Variants in AGPAT3 observed in about 807,000 individuals in gnomAD.
AGPAT3 encodes the protein 1-acyl-sn-glycerol-3-phosphate acyltransferase gamma.
A neutral mutation model predicts 47.3 loss-of-function variants in AGPAT3; 5 were observed. The observed-to-expected ratio is 0.11, with a 90% CI of 0.06 to 0.22. The LOEUF (loss-of-function observed/expected upper bound fraction) is 0.22. Among genes scored for constraint, AGPAT3 ranks in the 10% least tolerant of loss-of-function variants. The probability of loss-of-function intolerance (pLI) is 1.00; values close to 1 mark genes in which losing one functional copy is unlikely to be tolerated. For missense variants in AGPAT3, 315 were observed against 493.0 expected (o/e 0.64, Z 3.42); for synonymous variants, 212 against 208.3 (o/e 1.02, Z -0.15).
intron 1 of AGPAT3, chr21:43,867,667 C>G (rs2085537848): frequency 6.6e-6 from 1 of 152,246 alleles, no homozygotes; most frequent in African/African-American, 2.4e-5. Context: ...TGTGATGTCC[C>G]TGTTATAAGG....
intron 1 of AGPAT3, among the ~76,000 whole-genome samples, chr21:43,897,897 G>A (rs984269706): frequency 3.3e-5 from 5 of 152,336 alleles, no homozygotes; most frequent in East Asian, 1.9e-4. Context: ...CCAGCACCTC[G>A]GGAGGCCGAG....
At chr21:43,868,951 T>G (rs2085565679) in intron 1 of AGPAT3, among the ~76,000 whole-genome samples, 2 of 152,228 alleles carry the variant, frequency 1.3e-5, no homozygotes, top group African/African-American at 4.8e-5. Flanking sequence ...AAAGCTGTTA[T>G]TCTTTCCACC....
intron 1 of AGPAT3, among the ~76,000 whole-genome samples, chr21:43,874,440 C>A (rs558514042): frequency 6.9e-4 from 105 of 152,260 alleles, no homozygotes; most frequent in Non-Finnish European, 1.3e-3. Context: ...TTTTATTATT[C>A]TTCCATGACC....
intron 1 of AGPAT3, among the ~76,000 whole-genome samples, chr21:43,875,457 G>C (rs1401922141): frequency 6.6e-6 from 1 of 152,152 alleles, no homozygotes; most frequent in Admixed American, 6.5e-5. Context: ...TCTGCCTTAT[G>C]CTTTGCTTTC....
At chr21:43,924,117 C>T (rs2086978492) in intron 2 of AGPAT3, among the ~76,000 whole-genome samples, 1 of 151,988 alleles carries the variant, frequency 6.6e-6, no homozygotes, top group Non-Finnish European at 1.5e-5. Flanking sequence ...CCTGGGTTCA[C>T]GCCATTCTGT....
In AGPAT3 at chr21:43,985,134, C is replaced by T. The variant is rs1260240845; in HGVS notation, c.*2742C>T. 9 of 456,172 alleles carry T rather than the reference C, an allele frequency of 2.0e-5. No individual in the cohort carries two copies. The highest frequency in any genetic ancestry group is 2.3e-5 in the Admixed American group (1 of 42,566). The allele number at this position is 456,172 out of a possible 1,614,324, so 28.3% of individuals were successfully genotyped here. A position where few individuals can be genotyped will look rare whatever the true frequency, so the allele number is the denominator to read the frequency against. ...CTGGGCCGTGGTCTCCTGGGGACGC[C>T]GCTGGCCTCCCAGCTTAGGCCCAGG... On this transcript the variant is annotated 3_prime_UTR_variant, in exon 10 of 10. Coordinates refer to ENST00000291572, the MANE Select transcript of AGPAT3 (RefSeq NM_020132.5).
intron 1 of AGPAT3, among the ~76,000 whole-genome samples, chr21:43,870,866 C>T (rs1173054649): frequency 6.6e-6 from 1 of 152,160 alleles, no homozygotes; most frequent in Non-Finnish European, 1.5e-5. Context: ...GACATGAGGC[C>T]TATGAAGGGG....
intron 1 of AGPAT3, among the ~76,000 whole-genome samples, chr21:43,867,948 T>A (rs1268514007): frequency 6.6e-6 from 1 of 152,254 alleles, no homozygotes; most frequent in Admixed American, 6.5e-5. Context: ...GCGTCTGTCC[T>A]TCCTAAAACC....
At chr21:43,948,741 TTTTA>T (rs1460812342) in intron 2 of AGPAT3, among the ~76,000 whole-genome samples, 1 of 152,242 alleles carries the variant, frequency 6.6e-6, no homozygotes, top group Admixed American at 6.5e-5. Context: ...TAATTTTGTA[TTTTA>T]TTTATTTTAT....
intron 3 of AGPAT3, among the ~76,000 whole-genome samples, chr21:43,964,551 A>G (rs2089032578): frequency 6.6e-6 from 1 of 152,162 alleles, no homozygotes; most frequent in South Asian, 2.1e-4. Context: ...GAGATCAAAC[A>G]TAGCTTCCAA....
chr21:43,935,899 T>C (rs2087428855), intron 2 of AGPAT3, among the ~76,000 whole-genome samples: 1 of 152,154 alleles, frequency 6.6e-6, no homozygotes, highest in African/African-American at 2.4e-5. Context: ...GCCCTGGCTC[T>C]CCAGGTGCGC....
chr21:43,888,275 A>G (rs2086025059), intron 1 of AGPAT3, among the ~76,000 whole-genome samples: 2 of 152,212 alleles, frequency 1.3e-5, no homozygotes, highest in African/African-American at 4.8e-5. Context: ...CCTGGGCTCA[A>G]GCAATCCTCC....
At chr21:43,915,619 C>T (rs759016868) in intron 2 of AGPAT3, among the ~76,000 whole-genome samples, 1 of 151,732 alleles carries the variant, frequency 6.6e-6, no homozygotes, top group Non-Finnish European at 1.5e-5. Flanking sequence ...TCCATGTTGG[C>T]CAGGCTGCTC....
At chr21:43,956,898 C>G (rs981700681) in intron 2 of AGPAT3, among the ~76,000 whole-genome samples, 2 of 152,214 alleles carry the variant, frequency 1.3e-5, no homozygotes, top group Non-Finnish European at 2.9e-5. Flanking sequence ...AATCACGTAG[C>G]ACATTTCTGC....
At position 43,985,137 on chromosome 21, in the gene AGPAT3, T is replaced by C. The variant is rs971706014; in HGVS notation, c.*2745T>C. 2 of 456,312 alleles carry C rather than the reference T, an allele frequency of 4.4e-6. No individual in the cohort carries two copies. Among genetic ancestry groups the C allele is most frequent in the Non-Finnish European group, 8.8e-6 (2 of 226,968 alleles). The allele number at this position is 456,312 out of a possible 1,614,324, so 28.3% of individuals were successfully genotyped here. A position where few individuals can be genotyped will look rare whatever the true frequency, so the allele number is the denominator to read the frequency against. ...GGCCGTGGTCTCCTGGGGACGCCGC[T>C]GGCCTCCCAGCTTAGGCCCAGGTGC... On this transcript the variant is annotated 3_prime_UTR_variant, in exon 10 of 10. Transcript: ENST00000291572.
At chr21:43,896,378 A>G (rs980058000) in intron 1 of AGPAT3, among the ~76,000 whole-genome samples, 1 of 152,198 alleles carries the variant, frequency 6.6e-6, no homozygotes, top group Non-Finnish European at 1.5e-5. Context: ...CAGATTTTAA[A>G]ATGTTCTGTG....
At chr21:43,980,275 C>CAAA (rs1223637093) in intron 8 of AGPAT3, among the ~76,000 whole-genome samples, 11 of 54,610 alleles carry the variant, frequency 2.0e-4, no homozygotes, top group African/African-American at 2.8e-4. Context: ...GACTCCATCT[C>CAAA]AAAAAAAAAA....
At chr21:43,916,087 T>C (rs958299925) in intron 2 of AGPAT3, among the ~76,000 whole-genome samples, 7 of 152,260 alleles carry the variant, frequency 4.6e-5, no homozygotes, top group African/African-American at 1.7e-4. Context: ...TACTAATTTC[T>C]AGGGAATATT....
At chr21:43,906,318 A>G (rs1226032419) in intron 2 of AGPAT3, among the ~76,000 whole-genome samples, 1 of 152,096 alleles carries the variant, frequency 6.6e-6, no homozygotes. Flanking sequence ...ACGGTGTGGC[A>G]CTGCAGCTCC....
Sources: allele counts gnomAD v4.1 joint callset (sites outside exome capture counted in the v4.1 genomes callset), GRCh38; gene constraint gnomAD v4.1.1; transcripts MANE v1.5; gene names NCBI Gene and HGNC (gene_info 2026-07-23, HGNC 2026-07-21).